The following PIK3R1 variants were observed in gnomAD, a reference collection of about 807,000 sequenced individuals.
PIK3R1 encodes the protein phosphatidylinositol 3-kinase regulatory subunit alpha.
In PIK3R1, 29 loss-of-function variants were observed where a neutral mutation model predicts 98.0. That is an observed-to-expected ratio of 0.30 (90% CI 0.22 to 0.40). The LOEUF (loss-of-function observed/expected upper bound fraction) is 0.40. Ranked by LOEUF, PIK3R1 falls within the 10% of genes least tolerant of loss-of-function variation. The pLI is 1.00. For synonymous variants in PIK3R1, 282 were observed against 311.8 expected (o/e 0.90, Z 1.01); for missense variants, 596 against 872.7 (o/e 0.68, Z 3.99).
chr5:68,288,703 C>T (rs766336170), intron 7 of PIK3R1: 5 of 1,609,674 alleles, frequency 3.1e-6, no homozygotes, highest in Middle Eastern at 1.6e-4. Flanking sequence ...TTTTCATTGT[C>T]GGATACAGGC....
At chr5:68,283,610 T>C (rs1258212577) in intron 7 of PIK3R1, among the ~76,000 whole-genome samples, 1 of 152,232 alleles carries the variant, frequency 6.6e-6, no homozygotes, top group Non-Finnish European at 1.5e-5. Flanking sequence ...AATGGCTTGG[T>C]ATTTTACAAA....
chr5:68,235,884 C>CT lies in PIK3R1; in HGVS notation c.334+8885dup, dbSNP rs754911950. Reference sequence around the variant, plus strand: ...TATTCTGCCAGGCATTTTTTTTTTTCTTTTTTTTTTGAATCTTGCTCTGTT... The same window carrying CT: ...TATTCTGCCAGGCATTTTTTTTTTTCTTTTTTTTTTTGAATCTTGCTCTGTT... On this transcript the variant is annotated intron_variant, in intron 2 of 15. Transcript: ENST00000521381. Among the ~76,000 whole-genome samples the CT allele has an allele frequency of 1.9e-3, 237 of 122,914 alleles. No individual in the cohort carries two copies. The East Asian group carries it at 0.028, about 14-fold the overall frequency. 80.6% of individuals were successfully genotyped at this position (122,914 alleles called of 152,430 possible).
At chr5:68,216,813 A>C (rs181978689) in intron 1 of PIK3R1, among the ~76,000 whole-genome samples, 16 of 84,558 alleles carry the variant, frequency 1.9e-4, no homozygotes, top group Admixed American at 1.3e-3. Context: ...ATCACAAGAC[A>C]AAGAGAACAG....
At chr5:68,278,888 C>T (rs115563907) in intron 4 of PIK3R1, among the ~76,000 whole-genome samples, 1,730 of 151,770 alleles carry the variant, frequency 0.011, 20 homozygotes, top group Non-Finnish European at 0.015. Flanking sequence ...TGCAGTGAGC[C>T]GAGATCACAC....
Position 68,299,876 on chromosome 5 carries a change from C to G in PIK3R1, c.*2275C>G, listed in dbSNP as rs1747942282. ...ACTCTACTGATCTGACCATTTCCCT[C>G]TCATCGCCAGACAACTGACGATTTC... On this transcript the variant is annotated 3_prime_UTR_variant, in exon 16 of 16. Transcript: ENST00000521381. 1 of 233,226 alleles carries G rather than the reference C, an allele frequency of 4.3e-6. No homozygotes were observed. The highest frequency in any genetic ancestry group is 8.5e-6 in the Non-Finnish European group (1 of 118,016). 14.4% of individuals were successfully genotyped at this position (233,226 alleles called of 1,614,324 possible). A position where few individuals can be genotyped will look rare whatever the true frequency, so the allele number is the denominator to read the frequency against.
At chr5:68,266,239 C>T (rs1746119618) in intron 2 of PIK3R1, among the ~76,000 whole-genome samples, 1 of 152,210 alleles carries the variant, frequency 6.6e-6, no homozygotes, top group Non-Finnish European at 1.5e-5. Flanking sequence ...TTTTACAACT[C>T]TGCTTTATTA....
rs987274948 is a variant in PIK3R1 at position 68,300,972 on chromosome 5, A to G, written c.*3371A>G. The G allele has an allele frequency of 4.3e-6, 1 of 233,202 alleles. No individual in the cohort carries two copies. The highest frequency in any genetic ancestry group is 8.5e-6 in the Non-Finnish European group (1 of 117,880). 14.4% of individuals were successfully genotyped at this position (233,202 alleles called of 1,614,324 possible). A position where few individuals can be genotyped will look rare whatever the true frequency, so the allele number is the denominator to read the frequency against. On this transcript the variant is annotated 3_prime_UTR_variant, in exon 16 of 16. Coordinates refer to ENST00000521381, the MANE Select transcript of PIK3R1 (RefSeq NM_181523.3). ...TGTGAGCTGTCACTGTGGGGAACCA[A>G]TTGCTTTGTCATATAGCTGGTTATG... is the stretch of plus-strand genomic sequence containing the variant.
chr5:68,235,161 G>T (rs906714000), intron 2 of PIK3R1, among the ~76,000 whole-genome samples: 10 of 152,160 alleles, frequency 6.6e-5, no homozygotes, highest in African/African-American at 2.4e-4. Context: ...CCAGCATTTT[G>T]GGAGGCCAAG....
At chr5:68,250,091 G>A (rs888564344) in intron 2 of PIK3R1, among the ~76,000 whole-genome samples, 4 of 152,180 alleles carry the variant, frequency 2.6e-5, no homozygotes, top group Non-Finnish European at 5.9e-5. Context: ...CTGGGTGAGC[G>A]GCACACCTTG....
At chr5:68,240,633 A>G (rs251406) in intron 2 of PIK3R1, among the ~76,000 whole-genome samples, 112,866 of 152,140 alleles carry the variant, frequency 0.74, 42,070 homozygotes, top group East Asian at 0.93. Flanking sequence ...CTCTTTGCCT[A>G]CCCCAAATAA....
chr5:68,276,456 G>A (rs946065274), intron 4 of PIK3R1, among the ~76,000 whole-genome samples: 1 of 152,218 alleles, frequency 6.6e-6, no homozygotes, highest in South Asian at 2.1e-4. Context: ...TCCAGGGGGA[G>A]GGAGGGAGGA....
chr5:68,266,636 G>A (rs1481737026), intron 2 of PIK3R1, among the ~76,000 whole-genome samples: 1 of 152,166 alleles, frequency 6.6e-6, no homozygotes. Flanking sequence ...TTAAAGAAGG[G>A]AGGCTTGCAG....
At chr5:68,262,741 GCATGTAGATACATGTATACATATATA>G (rs1561278476) in intron 2 of PIK3R1, among the ~76,000 whole-genome samples, 1 of 135,170 alleles carries the variant, frequency 7.4e-6, no homozygotes, top group African/African-American at 2.8e-5. Flanking sequence ...ACATGTAGAT[GCATGTAGATACATGTATACATATATA>G]CATGTAGATG....
chr5:68,217,653 T>TGTGTGCGCGCGCGCGCGCGC (rs1386976488), intron 1 of PIK3R1: 18 of 149,294 alleles, frequency 1.2e-4, no homozygotes, highest in African/African-American at 4.2e-4. Context: ...TGTGTGTGTG[T>TGTGTGCGCGCGCGCGCGCGC]GCGCGCGCGT....
At chr5:68,251,311 C>T (rs1745297410) in intron 2 of PIK3R1, among the ~76,000 whole-genome samples, 1 of 152,008 alleles carries the variant, frequency 6.6e-6, no homozygotes, top group Non-Finnish European at 1.5e-5. Context: ...TCTCTGGTAG[C>T]CCTGTGCTTG....
At position 68,301,484 on chromosome 5, in the gene PIK3R1, G is replaced by GTA. The variant is rs1445946082; in HGVS notation, c.*3891_*3892dup. ...TATATATATATGTATATACATATAT[G>GTA]TATATATATGCACATATATATATGT... On this transcript the variant is annotated 3_prime_UTR_variant, in exon 16 of 16. Coordinates refer to ENST00000521381, the MANE Select transcript of PIK3R1 (RefSeq NM_181523.3). 4 of 111,506 alleles carry GTA rather than the reference G, an allele frequency of 3.6e-5. No homozygotes were observed. The highest frequency in any genetic ancestry group is 1.9e-4 in the Admixed American group (2 of 10,446). The allele number at this position is 111,506 out of a possible 1,614,324, so 6.9% of individuals were successfully genotyped here.
In PIK3R1 at chr5:68,295,399, CTT is replaced by C; in HGVS notation, c.1746-18_1746-17del. 6.2e-7 allele frequency: 1 copy of C among 1,614,034 alleles called. No homozygotes were observed. Among genetic ancestry groups the C allele is most frequent in the Non-Finnish European group, 8.5e-7 (1 of 1,179,924 alleles). On this transcript the variant is annotated intron_variant, in intron 13 of 15. Coordinates refer to ENST00000521381, the MANE Select transcript of PIK3R1 (RefSeq NM_181523.3). ...AATTCAGGATGAGTTAATGCGTTCTCTTTTCAAAACTGTTTTTCAGGTGGTTG... is the reference window on the plus strand; with the variant it reads ...AATTCAGGATGAGTTAATGCGTTCTCTTCAAAACTGTTTTTCAGGTGGTTG...
At chr5:68,249,156 T>C (rs761243081) in intron 2 of PIK3R1, among the ~76,000 whole-genome samples, 1 of 152,252 alleles carries the variant, frequency 6.6e-6, no homozygotes, top group South Asian at 2.1e-4. Flanking sequence ...CCAGTAATGA[T>C]ACCTTCTTTC....
At chr5:68,219,747 A>G (rs1378665515) in intron 1 of PIK3R1, among the ~76,000 whole-genome samples, 1 of 152,248 alleles carries the variant, frequency 6.6e-6, no homozygotes, top group Non-Finnish European at 1.5e-5. Context: ...TGCAGAGTTA[A>G]GAGGCAATGC....
Sources: allele counts gnomAD v4.1 joint callset (sites outside exome capture counted in the v4.1 genomes callset), GRCh38; gene constraint gnomAD v4.1.1; transcripts MANE v1.5; gene names NCBI Gene and HGNC (gene_info 2026-07-23, HGNC 2026-07-21).